The following B4GALNT1 variants were observed in gnomAD, a reference collection of about 807,000 sequenced individuals.
The protein encoded by B4GALNT1 is beta-1,4 N-acetylgalactosaminyltransferase 1.
Under a neutral mutation model 55.2 loss-of-function variants are expected in B4GALNT1, and 43 were observed. The observed-to-expected ratio is 0.78, with a 90% CI of 0.61 to 1.00. B4GALNT1 has a LOEUF of 1.00. B4GALNT1 is among the 50% of genes least tolerant of loss of function. The pLI is 0.00. For missense variants in B4GALNT1, 664 were observed against 729.7 expected (o/e 0.91, Z 1.04); for synonymous variants, 305 against 311.6 (o/e 0.98, Z 0.22).
At chr12:57,629,704 T>C in intron 6 of B4GALNT1, 4 of 1,316,606 alleles carry the variant, frequency 3.0e-6, no homozygotes, top group Non-Finnish European at 4.0e-6. Context: ...GCTGAGAAAA[T>C]AGAAAGTGCA....
At position 57,628,877 on chromosome 12, in the gene B4GALNT1, T is replaced by C. The variant is rs1231866191; in HGVS notation, c.838A>G (p.Thr280Ala). Residue 280 changes from threonine (T) to alanine (A), a missense_variant, in exon 8 of 11, where the codon ACG becomes GCG. Thr to Ala is a moderately conservative substitution (Grantham distance 58). Transcript: ENST00000341156. ...GAQYNISALVTIATKTFLRYD... is the reference protein window; with the variant it reads ...GAQYNISALVAIATKTFLRYD... The stretch of plus-strand genomic sequence containing the variant: ...CGGAGGAAGGTCTTGGTGGCAATCG[T>C]GACTAGAGCGCTGATGTTGTACTGG... 6.2e-7 allele frequency: 1 copy of C among 1,613,954 alleles called. No homozygotes were observed. Among genetic ancestry groups the C allele is most frequent in the Non-Finnish European group, 8.5e-7 (1 of 1,180,000 alleles).
Position 57,623,654 on chromosome 12 carries a change from A to G in B4GALNT1, c.*3090T>C. 3.4e-6 allele frequency: 2 copies of G among 590,198 alleles called. No homozygotes were observed. The highest frequency in any genetic ancestry group is 6.0e-6 in the Non-Finnish European group (2 of 333,332). 36.6% of individuals were successfully genotyped at this position (590,198 alleles called of 1,614,324 possible). ...CTGGTGAATAATGGGCATTTAATTA[A>G]TTGGGGGGAGCGGGAGGGTTAGATG... On this transcript the variant is annotated 3_prime_UTR_variant, in exon 11 of 11. Coordinates refer to ENST00000341156, the MANE Select transcript of B4GALNT1 (RefSeq NM_001478.5).
Position 57,626,643 on chromosome 12 carries a change from C to A in B4GALNT1, c.*101G>T, listed in dbSNP as rs893413881. ...GAGTGAGGAACTAGAGGCTCAGGGA[C>A]AGCCAGTAGAGTGCTCACAGGGTGG... is the stretch of plus-strand genomic sequence containing the variant. On this transcript the variant is annotated 3_prime_UTR_variant, in exon 11 of 11. Transcript: ENST00000341156. 1.1e-5 allele frequency: 15 copies of A among 1,336,748 alleles called. No homozygotes were observed. Among genetic ancestry groups the A allele is most frequent in the Non-Finnish European group, 1.6e-5 (15 of 944,574 alleles). 82.8% of individuals were successfully genotyped at this position (1,336,748 alleles called of 1,614,324 possible). A position where few individuals can be genotyped will look rare whatever the true frequency, so the allele number is the denominator to read the frequency against.
At chr12:57,630,898 A>G in intron 4 of B4GALNT1, 82 bp downstream of exon 4, 1 of 1,329,966 alleles carries the variant, frequency 7.5e-7, no homozygotes, top group Non-Finnish European at 1.1e-6. Flanking sequence ...CATTCCAATC[A>G]TCTCCCATTC....
rs745744124 is a variant in B4GALNT1 at position 57,631,319 on chromosome 12, GC to G, written c.263del (p.Gly88AlafsTer24). On this transcript the variant is annotated frameshift_variant, in exon 3 of 11. Coordinates refer to ENST00000341156, the MANE Select transcript of B4GALNT1 (RefSeq NM_001478.5). LOFTEE classifies it high-confidence loss of function. ...NNCSCESSGG[G>X]LPLPFQKQVR... ...CTTGTTTCTGGAAGGGGAGGGGGAG[GC>G]CCCCCCCACTGGACTCACAACTGCA... 7.4e-6 allele frequency: 12 copies of G among 1,612,020 alleles called. No homozygotes were observed. Among genetic ancestry groups the G allele is most frequent in the East Asian group, 4.5e-5 (2 of 44,834 alleles).
At position 57,624,179 on chromosome 12, in the gene B4GALNT1, G is replaced by A. The variant is rs1477565846; in HGVS notation, c.*2565C>T. On this transcript the variant is annotated 3_prime_UTR_variant, in exon 11 of 11. Coordinates refer to ENST00000341156, the MANE Select transcript of B4GALNT1 (RefSeq NM_001478.5). ...CCTCTGCCCTGAACCAAACCTAATT[G>A]TCCTGGTCTTAAGTTCTGCAACCCA... The A allele has an allele frequency of 7.9e-6, 11 of 1,388,836 alleles. No individual in the cohort carries two copies. Among genetic ancestry groups the A allele is most frequent in the South Asian group, 5.1e-5 (4 of 77,840 alleles). The allele number at this position is 1,388,836 out of a possible 1,614,324, so 86.0% of individuals were successfully genotyped here.
chr12:57,626,806 G>T lies in B4GALNT1; in HGVS notation c.1540C>A (p.Gln514Lys). Residue 514 changes from glutamine to lysine, a missense_variant, in exon 11 of 11, where the codon CAG becomes AAG. By Grantham distance (53) the Gln-to-Lys change is moderately conservative. Coordinates refer to ENST00000341156, the MANE Select transcript of B4GALNT1 (RefSeq NM_001478.5). ...YRYPGSLDES[Q>K]MAKHRLLFFK... Reference sequence around the variant, plus strand: ...AAGAGCAGCCGGTGTTTGGCCATCTGGCTCTCGTCCAGTGATCCTGGGTAA... The same window carrying T: ...AAGAGCAGCCGGTGTTTGGCCATCTTGCTCTCGTCCAGTGATCCTGGGTAA... 1 of 1,614,234 alleles carries T rather than the reference G, an allele frequency of 6.2e-7. No homozygotes were observed. The highest frequency in any genetic ancestry group is 1.3e-5 in the African/African-American group (1 of 75,056).
At position 57,630,149 on chromosome 12, in the gene B4GALNT1, C is replaced by G; in HGVS notation, c.712+3G>C. 1.9e-6 allele frequency: 3 copies of G among 1,614,262 alleles called. No homozygotes were observed. The highest frequency in any genetic ancestry group is 2.5e-6 in the Non-Finnish European group (3 of 1,180,050). ...TGCCCGTCTCTCCACCCAGGCCTTG[C>G]ACCTGTGTCTGCTGTGTTGGTCTGG... On this transcript the variant is annotated splice_donor_region_variant and intron_variant, in intron 6 of 10. Transcript: ENST00000341156.
rs983934457 is a variant in B4GALNT1, at chr12:57,627,537, C to A, written c.1384+81G>T. 8.0e-6 allele frequency: 12 copies of A among 1,497,510 alleles called. No individual in the cohort carries two copies. In the Admixed American group the frequency reaches 2.4e-4, roughly 30 times the overall value. The allele number at this position is 1,497,510 out of a possible 1,614,324, so 92.8% of individuals were successfully genotyped here. A position where few individuals can be genotyped will look rare whatever the true frequency, so the allele number is the denominator to read the frequency against. On this transcript the variant is annotated intron_variant, in intron 10 of 10. Transcript: ENST00000341156. ...CGCTGGCGGCTGGGCGCGGGTGCAG[C>A]CTAGGAGGAGAGGCGCGTGACCGTG...
chr12:57,629,493 C>T (rs1054511264), intron 6 of B4GALNT1: 10 of 317,310 alleles, frequency 3.2e-5, no homozygotes, highest in African/African-American at 1.7e-4. Flanking sequence ...GCCACATTTA[C>T]ACAACTATTA....
At position 57,627,523 on chromosome 12, in the gene B4GALNT1, G is replaced by A. The variant is rs559043291; in HGVS notation, c.1384+95C>T. 1.3e-3 allele frequency: 1,903 copies of A among 1,450,724 alleles called. 5 individuals are homozygous for A. The highest frequency in any genetic ancestry group is 8.3e-3 in the Middle Eastern group (36 of 4,354). The allele number at this position is 1,450,724 out of a possible 1,614,324, so 89.9% of individuals were successfully genotyped here. On this transcript the variant is annotated intron_variant, in intron 10 of 10. Coordinates refer to ENST00000341156, the MANE Select transcript of B4GALNT1 (RefSeq NM_001478.5). ...TGTTCTGGGGTTCCCGCTGGCGGCT[G>A]GGCGCGGGTGCAGCCTAGGAGGAGA...
intron 2 of B4GALNT1, 35 bp from the exon 3 acceptor site, chr12:57,631,399 C>T: frequency 6.2e-7 from 1 of 1,610,250 alleles, no homozygotes; most frequent in Non-Finnish European, 8.5e-7. Flanking sequence ...CATCAGAGCC[C>T]AGCTACACAG....
Position 57,625,247 on chromosome 12 carries a change from G to A in B4GALNT1, c.*1497C>T, listed in dbSNP as rs142921915. ...TTCTCCCATTCTAGTTGCTGAGCCT[G>A]TCAGGGTGGTGGTCCTAGACTTCAG... On this transcript the variant is annotated 3_prime_UTR_variant, in exon 11 of 11. Coordinates refer to ENST00000341156, the MANE Select transcript of B4GALNT1 (RefSeq NM_001478.5). The A allele has an allele frequency of 2.6e-4, 425 of 1,614,172 alleles. 2 individuals carry two copies. The Admixed American group carries it at 6.9e-3, about 26-fold the overall frequency.
At chr12:57,629,899 C>T (rs1396901554) in intron 6 of B4GALNT1, 3 of 1,533,068 alleles carry the variant, frequency 2.0e-6, no homozygotes, top group South Asian at 2.4e-5. Context: ...CTTCCTGGGG[C>T]CCCCCACAGT....
Position 57,630,244 on chromosome 12 carries a change from G to T in B4GALNT1, c.620C>A (p.Thr207Asn). 1 of 1,614,226 alleles carries T rather than the reference G, an allele frequency of 6.2e-7. No individual in the cohort carries two copies. Among genetic ancestry groups the T allele is most frequent in the Non-Finnish European group, 8.5e-7 (1 of 1,180,028 alleles). Residue 207 changes from threonine (T) to asparagine (N), a missense_variant, in exon 6 of 11, where the codon ACC (threonine) becomes AAC (asparagine). By Grantham distance (65) the Thr-to-Asn change is moderately conservative. Coordinates refer to ENST00000341156, the MANE Select transcript of B4GALNT1 (RefSeq NM_001478.5). ...TTGGTCCAGCCCTGGGCTGACAAGG[G>T]TGAGATCTGCCTGACCCTCTCCAGT... ...TLTGEGQADL[T>N]LVSPGLDQLN...
chr12:57,630,580 C>T, intron 4 of B4GALNT1, 62 bp from the exon 5 acceptor site: 1 of 1,523,614 alleles, frequency 6.6e-7, no homozygotes. Context: ...TTCTCATTTT[C>T]TCTCCCTGCT....
chr12:57,627,754 C>T lies in B4GALNT1; in HGVS notation c.1248G>A (p.Arg416=), dbSNP rs1288665130. The T allele has an allele frequency of 2.5e-6, 4 of 1,609,544 alleles. No individual in the cohort carries two copies. The highest frequency in any genetic ancestry group is 1.7e-5 in the Admixed American group (1 of 59,610). The change falls in exon 10 of 11, where the codon AGG becomes AGA. Residue 416 remains arginine (R), a synonymous_variant. Coordinates refer to ENST00000341156, the MANE Select transcript of B4GALNT1 (RefSeq NM_001478.5). Reference sequence around the variant, plus strand: ...CGACGAGCTCGTGGTGGAAGCCGCGCCTTTGCCGGAGGCAGTTCCCGAGGC... The same window carrying T: ...CGACGAGCTCGTGGTGGAAGCCGCGTCTTTGCCGGAGGCAGTTCCCGAGGC... ...APGLGNCLRQ[R]RGFHHELVGF...
rs776645261 is a variant in B4GALNT1 at position 57,631,098 on chromosome 12, G to A, written c.384-12C>T. 9 of 1,609,810 alleles carry A rather than the reference G, an allele frequency of 5.6e-6. No homozygotes were observed. The highest frequency in any genetic ancestry group is 1.7e-5 in the Admixed American group (1 of 59,732). Reference sequence around the variant, plus strand: ...CTGGGGACTGGCTCCTGGCAGTGGAGGAAGGAGAGGACAGAGCAGAGTCGG... The same window carrying A: ...CTGGGGACTGGCTCCTGGCAGTGGAAGAAGGAGAGGACAGAGCAGAGTCGG... On this transcript the variant is annotated splice_polypyrimidine_tract_variant and intron_variant, in intron 3 of 10. Transcript: ENST00000341156.
intron 10 of B4GALNT1, 97 bp downstream of exon 10, chr12:57,627,521 C>T: frequency 6.9e-7 from 1 of 1,447,724 alleles, no homozygotes; most frequent in Non-Finnish European, 9.1e-7. Context: ...CCGCTGGCGG[C>T]TGGGCGCGGG....
Sources: gnomAD v4.1 joint callset for allele counts on GRCh38, gnomAD v4.1.1 for gene constraint, MANE v1.5 for transcripts, NCBI Gene and HGNC (gene_info 2026-07-23, HGNC 2026-07-21) for gene names.